The following NEXMIF variants were observed in gnomAD, a reference collection of about 807,000 sequenced individuals.
NEXMIF encodes the protein XLMR protein related to neurite extension.
NEXMIF carries 8 observed loss-of-function variants against 62.1 expected under a neutral mutation model. The ratio of observed to expected loss-of-function variants is 0.13; its 90% CI spans 0.08 to 0.23. NEXMIF has a LOEUF of 0.23. NEXMIF is among the 10% of genes least tolerant of loss of function. The pLI, the probability that NEXMIF is intolerant of heterozygous loss-of-function variation, is 1.00. For synonymous variants in NEXMIF, 404 were observed against 416.6 expected (o/e 0.97, Z 0.37); for missense variants, 976 against 1,113.3 (o/e 0.88, Z 1.75).
At chrX:74,799,515 C>T (rs1055968103) in intron 1 of NEXMIF, among the ~76,000 whole-genome samples, 3 of 112,319 alleles carry the variant, frequency 2.7e-5, no homozygotes, top group Non-Finnish European at 5.6e-5. Flanking sequence ...CGCTATTTAC[C>T]ACACTGGTCA....
At chrX:74,861,453 C>T (rs1386735349) in intron 1 of NEXMIF, among the ~76,000 whole-genome samples, 1 of 111,685 alleles carries the variant, frequency 9.0e-6, no homozygotes, top group Non-Finnish European at 1.9e-5. Context: ...ACTTCCACAA[C>T]CTAACAAGAC....
chrX:74,876,094 T>G (rs1425214964), intron 1 of NEXMIF, among the ~76,000 whole-genome samples: 1 of 111,687 alleles, frequency 9.0e-6, no homozygotes, highest in Admixed American at 9.6e-5. Context: ...GGGTGTCAAT[T>G]TTGGATCTTT....
chrX:74,756,250 C>T (rs1475883866), intron 1 of NEXMIF, among the ~76,000 whole-genome samples: 1 of 112,437 alleles, frequency 8.9e-6, no homozygotes, highest in Non-Finnish European at 1.9e-5. Context: ...CGTGAGCCAC[C>T]GCACCTGGCC....
chrX:74,785,522 T>C lies in NEXMIF; in HGVS notation c.-47-39825A>G, dbSNP rs191986843. Among the ~76,000 whole-genome samples, 374 of 111,585 alleles carry C rather than the reference T, an allele frequency of 3.4e-3. 2 individuals are homozygous for C. The highest frequency in any genetic ancestry group is 0.012 in the African/African-American group (357 of 30,747). ...TTTTTTTCAAGTTATCTCCACTCAT[T>C]CCCCCTTTGCATAGTTCACTTCTAT... On this transcript the variant is annotated intron_variant, in intron 1 of 3. Transcript: ENST00000055682.
chrX:74,909,036 C>T (rs761031019), intron 1 of NEXMIF, among the ~76,000 whole-genome samples: 8 of 111,575 alleles, frequency 7.2e-5, no homozygotes, highest in African/African-American at 2.6e-4. Context: ...TCTTTTTCTT[C>T]CCATTCTCGG....
At chrX:74,865,284 G>A (rs186962966) in intron 1 of NEXMIF, among the ~76,000 whole-genome samples, 141 of 111,565 alleles carry the variant, frequency 1.3e-3, no homozygotes, top group Non-Finnish European at 2.3e-3. Flanking sequence ...ATGGAGATGA[G>A]GAATTTGTTG....
chrX:74,777,749 T>A (rs1200386939), intron 1 of NEXMIF, among the ~76,000 whole-genome samples: 1 of 111,822 alleles, frequency 8.9e-6, no homozygotes. Context: ...TCCCTGTGGC[T>A]AAAATGAGAC....
intron 1 of NEXMIF, among the ~76,000 whole-genome samples, chrX:74,835,554 G>A (rs2080453515): frequency 8.9e-6 from 1 of 111,735 alleles, no homozygotes; most frequent in Admixed American, 9.5e-5. Context: ...AATAAAATCT[G>A]GAAGAATTTT....
At chrX:74,776,266 C>T (rs1407046790) in intron 1 of NEXMIF, among the ~76,000 whole-genome samples, 2 of 111,853 alleles carry the variant, frequency 1.8e-5, no homozygotes, top group East Asian at 5.6e-4. Context: ...ATAAACAGCT[C>T]TCATTATCAA....
chrX:74,834,428 G>T (rs2080449676), intron 1 of NEXMIF, among the ~76,000 whole-genome samples: 1 of 110,977 alleles, frequency 9.0e-6, no homozygotes, highest in Non-Finnish European at 1.9e-5. Context: ...ACTTCTTTTT[G>T]CTCATTGACA....
chrX:74,896,740 C>A (rs769583821), intron 1 of NEXMIF, among the ~76,000 whole-genome samples: 3 of 111,581 alleles, frequency 2.7e-5, no homozygotes, highest in Non-Finnish European at 5.6e-5. Context: ...AGACTGGGCA[C>A]TGGAGTGTGT....
intron 1 of NEXMIF, among the ~76,000 whole-genome samples, chrX:74,748,451 G>T (rs186301629): frequency 8.9e-6 from 1 of 111,930 alleles, no homozygotes. Context: ...ATTTCTTACA[G>T]TTACAATACA....
At chrX:74,776,342 G>T (rs1214950827) in intron 1 of NEXMIF, among the ~76,000 whole-genome samples, 1 of 111,750 alleles carries the variant, frequency 8.9e-6, no homozygotes, top group Non-Finnish European at 1.9e-5. Flanking sequence ...CCATAATCAA[G>T]GTCCATGGGG....
chrX:74,883,493 A>T (rs2080675440), intron 1 of NEXMIF, among the ~76,000 whole-genome samples: 1 of 109,487 alleles, frequency 9.1e-6, no homozygotes, highest in Non-Finnish European at 1.9e-5. Flanking sequence ...GAATTACGTG[A>T]CGAATGCACA....
Position 74,742,640 on chromosome X carries a change from T to C in NEXMIF, c.1917A>G (p.Gln639=). ...KSKLGNRHRI[Q]RIPSIEISAS... is the part of the protein sequence containing the mutation. ...CTGAAATTTCAATGGATGGGATTCT[T>C]TGAATCCTGTGCCTGTTGCCAAGTT... Residue 639 remains glutamine, a synonymous_variant, in exon 3 of 4, where the codon CAA becomes CAG. Transcript: ENST00000055682. The C allele has an allele frequency of 8.3e-7, 1 of 1,211,457 alleles. No homozygotes were observed.
intron 1 of NEXMIF, among the ~76,000 whole-genome samples, chrX:74,838,438 AT>A (rs1184444682): frequency 6.2e-5 from 7 of 112,499 alleles, no homozygotes; most frequent in Non-Finnish European, 1.1e-4. Flanking sequence ...ATTAAATTTG[AT>A]TTTTTAAATC....
At chrX:74,796,255 TTA>T (rs1335090793) in intron 1 of NEXMIF, among the ~76,000 whole-genome samples, 3 of 28,862 alleles carry the variant, frequency 1.0e-4, no homozygotes, top group South Asian at 1.7e-3. Flanking sequence ...CACATATATA[TTA>T]TATATATTAT....
At chrX:74,790,495 T>G (rs1282143889) in intron 1 of NEXMIF, among the ~76,000 whole-genome samples, 601 of 110,482 alleles carry the variant, frequency 5.4e-3, no homozygotes, top group African/African-American at 0.018. Context: ...TAAAGTAGTT[T>G]TTTCCAATTC....
intron 1 of NEXMIF, among the ~76,000 whole-genome samples, chrX:74,860,309 A>G (rs1424149167): frequency 8.9e-6 from 1 of 112,155 alleles, no homozygotes; most frequent in African/African-American, 3.2e-5. Flanking sequence ...AATAAAATCT[A>G]GAGACTTCAA....
Sources: gnomAD v4.1 joint callset for allele counts (sites outside exome capture counted in the v4.1 genomes callset) on GRCh38, gnomAD v4.1.1 for gene constraint, MANE v1.5 for transcripts, NCBI Gene and HGNC (gene_info 2026-07-23, HGNC 2026-07-21) for gene names.